SYTL5: variants seen among roughly 807,000 people sequenced by gnomAD.
SYTL5 encodes synaptotagmin-like protein 5.
Under a neutral mutation model 55.9 loss-of-function variants are expected in SYTL5, and 34 were observed. The observed-to-expected ratio is 0.61, with a 90% CI of 0.46 to 0.81. SYTL5 has a LOEUF of 0.81. Among genes scored for constraint, SYTL5 ranks in the 30% least tolerant of loss-of-function variants. The pLI is 0.00. For synonymous variants in SYTL5, 221 were observed against 188.7 expected (o/e 1.17, Z -1.40); for missense variants, 637 against 546.7 (o/e 1.17, Z -1.65).
At chrX:38,006,181 C>A (rs1005053179), upstream of SYTL5, among the ~76,000 whole-genome samples, 15 of 111,460 alleles carry the variant, frequency 1.3e-4, no homozygotes, top group Middle Eastern at 4.6e-3. Flanking sequence ...ACACCTAACA[C>A]ATTTGGAGAA....
In SYTL5 at chrX:38,108,676, C is replaced by T. The variant is rs754880992; in HGVS notation, c.1411C>T (p.Pro471Ser). The T allele has an allele frequency of 1.7e-6, 2 of 1,196,496 alleles. No homozygotes were observed. Among genetic ancestry groups the T allele is most frequent in the Non-Finnish European group, 1.1e-6 (1 of 885,374 alleles). Residue 471 changes from proline to serine, a missense_variant, in exon 12 of 17, where the codon CCA (proline) becomes TCA (serine). Transcript: ENST00000297875. ...GACCAAAATCAGAACAGGCACCAATCCAGAATTCAATGAAACACTAAAGGT... is the reference window on the plus strand; with the variant it reads ...GACCAAAATCAGAACAGGCACCAATTCAGAATTCAATGAAACACTAAAGGT... ...RKTKIRTGTN[P>S]EFNETLKYTI...
chrX:38,096,276 T>C, intron 9 of SYTL5, 42 bp downstream of exon 9: 1 of 807,247 alleles, frequency 1.2e-6, no homozygotes, highest in Non-Finnish European at 1.8e-6. Flanking sequence ...GAGGAGGAAA[T>C]AAGGGCATAA....
chrX:38,081,924 C>A (rs1307846668), intron 6 of SYTL5, among the ~76,000 whole-genome samples: 1 of 111,195 alleles, frequency 9.0e-6, no homozygotes, highest in Non-Finnish European at 1.9e-5. Context: ...TCCCAGTAAC[C>A]AAGATTCTGT....
chrX:37,903,668 T>A, the SYTL5 span, among the ~76,000 whole-genome samples: 1 of 110,643 alleles, frequency 9.0e-6, no homozygotes, highest in Admixed American at 9.5e-5. Flanking sequence ...ACCTGCACGT[T>A]GTGCACATGT....
At chrX:38,043,692 CAT>C (rs1188863455) in intron 2 of SYTL5, among the ~76,000 whole-genome samples, 8 of 46,363 alleles carry the variant, frequency 1.7e-4, no homozygotes, top group African/African-American at 3.1e-4. Context: ...TATATATATA[CAT>C]ATATATATAC....
rs188462066 is a variant in SYTL5 at position 38,026,117 on chromosome X, G to C, written c.-356-7417G>C. 9.8e-5 allele frequency among the ~76,000 whole-genome samples: 11 copies of C among 112,543 alleles called. No individual in the cohort carries two copies. In the East Asian group the frequency reaches 3.1e-3, roughly 31 times the overall value. Reference sequence around the variant, plus strand: ...TCTCAGAATGAGGCTCCATCACCTAGCATGGAACATGCGCTACAGGGAACA... The same window carrying C: ...TCTCAGAATGAGGCTCCATCACCTACCATGGAACATGCGCTACAGGGAACA... On this transcript the variant is annotated intron_variant, in intron 1 of 16. Coordinates refer to ENST00000297875, the MANE Select transcript of SYTL5 (RefSeq NM_138780.3).
chrX:38,038,411 T>C (rs944099723), intron 2 of SYTL5, among the ~76,000 whole-genome samples: 1 of 111,987 alleles, frequency 8.9e-6, no homozygotes, highest in African/African-American at 3.2e-5. Context: ...CCAGAGAACT[T>C]AGTCCTTTTT....
the SYTL5 span, among the ~76,000 whole-genome samples, chrX:37,978,411 G>C: frequency 9.8e-3 from 1,096 of 111,842 alleles, 15 homozygotes; most frequent in African/African-American, 0.034. Flanking sequence ...GATTGAAACG[G>C]CTTAGAGCCA....
At chrX:38,113,787 G>A (rs1003243593) in intron 13 of SYTL5, among the ~76,000 whole-genome samples, 4 of 111,354 alleles carry the variant, frequency 3.6e-5, no homozygotes, top group Non-Finnish European at 7.5e-5. Context: ...GGGAGCCTTC[G>A]GGCTGCTAGA....
At position 38,106,625 on chromosome X, in the gene SYTL5, T is replaced by C. The variant is rs1370676761; in HGVS notation, c.1188T>C (p.Ser396=). The C allele has an allele frequency of 8.3e-7, 1 of 1,206,823 alleles. No individual in the cohort carries two copies. The highest frequency in any genetic ancestry group is 1.8e-5 in the South Asian group (1 of 55,351). The part of the protein sequence containing the change: ...TSLNSMMSVY[S]ETGDYGNVKV... ...TTAACAGCATGATGAGCGTTTACAG[T>C]GAAACGGGAGACTATGGCAACGTGA... The change falls in exon 11 of 17, where the codon AGT becomes AGC. Residue 396 remains serine (S), a synonymous_variant. Transcript: ENST00000297875.
At chrX:38,005,741 G>GT (rs1275312835), upstream of SYTL5, among the ~76,000 whole-genome samples, 3 of 111,566 alleles carry the variant, frequency 2.7e-5, no homozygotes, top group Non-Finnish European at 5.7e-5. Context: ...TTTTGTATGA[G>GT]TTTTTTAACA....
At chrX:38,112,085 A>G (rs1937373286) in intron 13 of SYTL5, among the ~76,000 whole-genome samples, 1 of 111,636 alleles carries the variant, frequency 9.0e-6, no homozygotes, top group South Asian at 3.8e-4. Context: ...AAGGTAGAAA[A>G]GTTCTGATTG....
the SYTL5 span, among the ~76,000 whole-genome samples, chrX:37,966,137 TG>T: frequency 1.0e-2 from 1,119 of 112,027 alleles, 15 homozygotes; most frequent in African/African-American, 0.035. Context: ...ATTGCCATTT[TG>T]TCAATCAATT....
At chrX:37,999,600 G>A in the SYTL5 span, among the ~76,000 whole-genome samples, 1 of 111,934 alleles carries the variant, frequency 8.9e-6, no homozygotes, top group Non-Finnish European at 1.9e-5. Flanking sequence ...AATAGTGAAA[G>A]GAGGGGCAGA....
At chrX:38,031,943 G>A (rs141236172) in intron 1 of SYTL5, among the ~76,000 whole-genome samples, 305 of 112,094 alleles carry the variant, frequency 2.7e-3, no homozygotes, top group African/African-American at 9.3e-3. Context: ...CTAAGAGGGG[G>A]CTGGCTCTTT....
the SYTL5 span, among the ~76,000 whole-genome samples, chrX:37,957,351 C>T: frequency 9.0e-6 from 1 of 111,545 alleles, no homozygotes; most frequent in African/African-American, 3.3e-5. Context: ...GAAATCATTG[C>T]CAAGAACCAA....
chrX:38,045,743 CAG>C (rs1935442262), intron 2 of SYTL5, among the ~76,000 whole-genome samples: 1 of 112,325 alleles, frequency 8.9e-6, no homozygotes, highest in African/African-American at 3.2e-5. Flanking sequence ...TCCCAGTTCT[CAG>C]AGAGTTGTGA....
At chrX:37,979,645 C>T in the SYTL5 span, among the ~76,000 whole-genome samples, 1 of 105,545 alleles carries the variant, frequency 9.5e-6, no homozygotes, top group Non-Finnish European at 1.9e-5. Flanking sequence ...GAAGATCTCA[C>T]TCTGCAAGTT....
At chrX:37,924,211 A>G in the SYTL5 span, among the ~76,000 whole-genome samples, 2 of 111,761 alleles carry the variant, frequency 1.8e-5, no homozygotes, top group South Asian at 7.5e-4. Context: ...GTAGCTACGT[A>G]GGGCATCCAG....
Sources: gnomAD v4.1 joint callset for allele counts (sites outside exome capture counted in the v4.1 genomes callset) on GRCh38, gnomAD v4.1.1 for gene constraint, MANE v1.5 for transcripts, NCBI Gene and HGNC (gene_info 2026-07-23, HGNC 2026-07-21) for gene names.